CDH9: variants seen among roughly 807,000 people sequenced by gnomAD.
CDH9 encodes cadherin-9.
A neutral mutation model predicts 70.9 loss-of-function variants in CDH9; 28 were observed. The ratio of observed to expected loss-of-function variants is 0.40; its 90% CI spans 0.29 to 0.54. The LOEUF is 0.54. CDH9 is among the 20% of genes least tolerant of loss of function. The pLI, the probability that CDH9 is intolerant of heterozygous loss-of-function variation, is 0.59. For missense variants in CDH9, 874 were observed against 984.4 expected, an observed-to-expected ratio of 0.89 and a Z score of 1.50; for synonymous variants, 409 against 343.1, an observed-to-expected ratio of 1.19 and a Z score of -2.12.
intron 1 of CDH9, among the ~76,000 whole-genome samples, chr5:27,009,492 A>T (rs920971374): frequency 2.0e-5 from 3 of 152,076 alleles, no homozygotes; most frequent in African/African-American, 7.2e-5. Flanking sequence ...TTAGGCAGAA[A>T]AAGTATTCAA....
chr5:26,993,897 G>T (rs1358867273), intron 1 of CDH9, among the ~76,000 whole-genome samples: 1 of 151,952 alleles, frequency 6.6e-6, no homozygotes, highest in African/African-American at 2.4e-5. Context: ...ACCCCAGGAG[G>T]TTCAGAAAGT....
chr5:26,990,793 C>A (rs1434731418), intron 1 of CDH9, among the ~76,000 whole-genome samples: 3 of 152,150 alleles, frequency 2.0e-5, no homozygotes, highest in Non-Finnish European at 4.4e-5. Context: ...GGTTTCTTCC[C>A]ACTGGTAGAA....
chr5:26,895,558 G>A (rs1203807017), intron 7 of CDH9, among the ~76,000 whole-genome samples: 1 of 151,890 alleles, frequency 6.6e-6, no homozygotes, highest in Non-Finnish European at 1.5e-5. Flanking sequence ...CTTTAAATAC[G>A]TTAAGCATAA....
chr5:26,949,822 T>C (rs1741814013), intron 2 of CDH9, among the ~76,000 whole-genome samples: 1 of 152,152 alleles, frequency 6.6e-6, no homozygotes, highest in South Asian at 2.1e-4. Flanking sequence ...AAATAGGTCA[T>C]GAGAGAAAAC....
intron 11 of CDH9, among the ~76,000 whole-genome samples, 167 bp downstream of exon 11, chr5:26,885,447 C>T (rs1740547575): frequency 1.3e-5 from 2 of 152,122 alleles, no homozygotes; most frequent in African/African-American, 2.4e-5. Context: ...GGCCTATCCC[C>T]ACACACAAAA....
intron 2 of CDH9, among the ~76,000 whole-genome samples, chr5:26,934,364 A>G (rs1213295020): frequency 1.3e-5 from 2 of 152,060 alleles, no homozygotes; most frequent in Non-Finnish European, 2.9e-5. Flanking sequence ...GCTAGGGAGG[A>G]TGAGGTGGTA....
intron 5 of CDH9, among the ~76,000 whole-genome samples, chr5:26,905,005 A>G (rs189400407): frequency 7.9e-5 from 12 of 152,202 alleles, no homozygotes; most frequent in African/African-American, 2.9e-4. Context: ...ATTTAGGCTT[A>G]TTATTTATGT....
intron 2 of CDH9, among the ~76,000 whole-genome samples, chr5:26,959,311 C>T (rs1168103903): frequency 6.6e-6 from 1 of 152,060 alleles, no homozygotes; most frequent in East Asian, 1.9e-4. Flanking sequence ...TGAGATACCA[C>T]TCCACAGTGA....
At chr5:26,938,462 T>C (rs1579463066) in intron 2 of CDH9, among the ~76,000 whole-genome samples, 2 of 151,920 alleles carry the variant, frequency 1.3e-5, no homozygotes. Flanking sequence ...TAGGATACTA[T>C]ATATATAATA....
At chr5:26,930,738 C>G (rs1416878025) in intron 2 of CDH9, among the ~76,000 whole-genome samples, 2 of 152,036 alleles carry the variant, frequency 1.3e-5, no homozygotes, top group Non-Finnish European at 2.9e-5. Flanking sequence ...TTTTCTTAAA[C>G]ATATTTTAAA....
chr5:26,940,624 C>G (rs1231759670), intron 2 of CDH9, among the ~76,000 whole-genome samples: 1 of 152,124 alleles, frequency 6.6e-6, no homozygotes, highest in African/African-American at 2.4e-5. Flanking sequence ...AGTAGATATC[C>G]AGGAATTATT....
intron 2 of CDH9, among the ~76,000 whole-genome samples, chr5:26,958,549 A>C (rs1200455559): frequency 6.6e-6 from 1 of 152,194 alleles, no homozygotes; most frequent in Non-Finnish European, 1.5e-5. Flanking sequence ...TATAGATATA[A>C]ACAGACAAAA....
intron 2 of CDH9, among the ~76,000 whole-genome samples, chr5:26,964,622 A>G (rs1000163049): frequency 2.6e-5 from 4 of 152,100 alleles, no homozygotes; most frequent in Non-Finnish European, 4.4e-5. Context: ...TGAGTGCATT[A>G]TCTTGAAGCC....
At chr5:26,951,618 G>C (rs924811413) in intron 2 of CDH9, among the ~76,000 whole-genome samples, 3 of 152,150 alleles carry the variant, frequency 2.0e-5, no homozygotes, top group Non-Finnish European at 4.4e-5. Context: ...TGCCAGTGGA[G>C]AGTACATTCT....
intron 5 of CDH9, among the ~76,000 whole-genome samples, chr5:26,905,351 C>T (rs1056376175): frequency 6.6e-6 from 1 of 151,980 alleles, no homozygotes; most frequent in Non-Finnish European, 1.5e-5. Flanking sequence ...ACCAGAGATA[C>T]TACCAAACTT....
chr5:27,025,965 G>A (rs1561045174), intron 1 of CDH9, among the ~76,000 whole-genome samples: 1 of 151,956 alleles, frequency 6.6e-6, no homozygotes, highest in Non-Finnish European at 1.5e-5. Context: ...GCTTCAGTGA[G>A]TCTTTCACTT....
chr5:26,926,597 T>A (rs1231457254), intron 2 of CDH9, among the ~76,000 whole-genome samples: 4 of 151,998 alleles, frequency 2.6e-5, no homozygotes, highest in African/African-American at 7.2e-5. Context: ...AAAACTACTT[T>A]AAAGTTCATA....
At chr5:26,898,077 C>T (rs1455123732) in intron 7 of CDH9, among the ~76,000 whole-genome samples, 1 of 152,038 alleles carries the variant, frequency 6.6e-6, no homozygotes, top group Non-Finnish European at 1.5e-5. Context: ...TTCACAATCA[C>T]TACAAAGAGA....
intron 2 of CDH9, among the ~76,000 whole-genome samples, chr5:26,946,884 T>C (rs1741763609): frequency 6.6e-6 from 1 of 152,104 alleles, no homozygotes; most frequent in African/African-American, 2.4e-5. Context: ...GTGAGAAAAC[T>C]CTAGATAAAT....
Sources: allele counts gnomAD v4.1 joint callset (sites outside exome capture counted in the v4.1 genomes callset), GRCh38; gene constraint gnomAD v4.1.1; transcripts MANE v1.5; gene names NCBI Gene and HGNC (gene_info 2026-07-23, HGNC 2026-07-21).